CNNM1: variants seen among roughly 807,000 people sequenced by gnomAD.
CNNM1 encodes the protein cyclin and CBS domain divalent metal cation transport mediator 1, also known as metal transporter CNNM1.
A neutral mutation model predicts 78.8 loss-of-function variants in CNNM1; 44 were observed. The ratio of observed to expected loss-of-function variants is 0.56; its 90% CI spans 0.44 to 0.72. The LOEUF (loss-of-function observed/expected upper bound fraction) is 0.72. CNNM1 is among the 30% of genes least tolerant of loss of function. The pLI, the probability that CNNM1 is intolerant of heterozygous loss-of-function variation, is 0.00. For synonymous variants in CNNM1, 584 were observed against 581.5 expected (o/e 1.00, Z -0.06); for missense variants, 1,101 against 1,292.2 (o/e 0.85, Z 2.27).
intron 6 of CNNM1, among the ~76,000 whole-genome samples, chr10:99,367,560 T>C (rs952247302): frequency 6.6e-6 from 1 of 152,198 alleles, no homozygotes; most frequent in Admixed American, 6.5e-5. Flanking sequence ...TATACATTTA[T>C]ACATTTAGAA....
chr10:99,343,042 T>A (rs2030524755), intron 1 of CNNM1, among the ~76,000 whole-genome samples: 2 of 152,060 alleles, frequency 1.3e-5, no homozygotes, highest in Non-Finnish European at 2.9e-5. Context: ...CTCGGCTCAC[T>A]GCAACCTCCA....
intron 1 of CNNM1, among the ~76,000 whole-genome samples, chr10:99,339,415 T>G (rs2030336697): frequency 6.6e-6 from 1 of 152,194 alleles, no homozygotes; most frequent in Non-Finnish European, 1.5e-5. Context: ...ACCCCCAGAC[T>G]GCAGAATGGT....
In CNNM1 at chr10:99,388,191, T is replaced by C. The variant is rs1017204153; in HGVS notation, c.2564T>C (p.Val855Ala). Residue 855 changes from valine to alanine, a missense_variant, in exon 9 of 11, where the codon GTG becomes GCG. Val to Ala is a moderately conservative substitution (Grantham distance 64). Transcript: ENST00000356713. Reference sequence around the variant, plus strand: ...GGGCTGAGAAGCCCCAGCGAGGTAGTGTACCTGAGGATGGAGGAGCTGGCC... The same window carrying C: ...GGGCTGAGAAGCCCCAGCGAGGTAGCGTACCTGAGGATGGAGGAGCTGGCC... ...SDGLRSPSEV[V>A]YLRMEELAFT... 5.0e-6 allele frequency: 8 copies of C among 1,613,818 alleles called. No homozygotes were observed. Among genetic ancestry groups the C allele is most frequent in the Admixed American group, 3.3e-5 (2 of 60,010 alleles).
At chr10:99,337,939 T>A (rs2030262173) in intron 1 of CNNM1, among the ~76,000 whole-genome samples, 1 of 152,230 alleles carries the variant, frequency 6.6e-6, no homozygotes, top group Non-Finnish European at 1.5e-5. Flanking sequence ...AAGTGTTGCA[T>A]CTATTGTTTC....
intron 1 of CNNM1, among the ~76,000 whole-genome samples, chr10:99,341,074 G>T (rs1357296698): frequency 6.6e-6 from 1 of 152,070 alleles, no homozygotes; most frequent in Non-Finnish European, 1.5e-5. Flanking sequence ...AAAAGTATAG[G>T]GAGCTCTGAA....
intron 6 of CNNM1, among the ~76,000 whole-genome samples, chr10:99,376,436 C>G (rs1292872547): frequency 6.6e-6 from 1 of 152,214 alleles, no homozygotes; most frequent in Non-Finnish European, 1.5e-5. Flanking sequence ...TGTGGGCTTC[C>G]GTTTGTCTCA....
Position 99,357,709 on chromosome 10 carries a change from T to G in CNNM1, c.1717+54T>G, listed in dbSNP as rs187247927. The G allele has an allele frequency of 2.1e-5, 32 of 1,488,608 alleles. No homozygotes were observed. In the African/African-American group the frequency reaches 4.2e-4, roughly 19 times the overall value. 92.2% of individuals were successfully genotyped at this position (1,488,608 alleles called of 1,614,324 possible). A position where few individuals can be genotyped will look rare whatever the true frequency, so the allele number is the denominator to read the frequency against. On this transcript the variant is annotated intron_variant, in intron 2 of 10. Transcript: ENST00000356713. Reference sequence around the variant, plus strand: ...GGGTCATCTTATTTTCCTCCAAGACTCTCAGGTAAAGCCTCATTTGATTTA... The same window carrying G: ...GGGTCATCTTATTTTCCTCCAAGACGCTCAGGTAAAGCCTCATTTGATTTA...
At chr10:99,363,350 C>G (rs2031501209) in intron 4 of CNNM1, among the ~76,000 whole-genome samples, 2 of 152,142 alleles carry the variant, frequency 1.3e-5, no homozygotes, top group African/African-American at 4.8e-5. Flanking sequence ...CAACAAGAAT[C>G]CTGTTACATT....
chr10:99,335,203 T>C (rs763331189), intron 1 of CNNM1, among the ~76,000 whole-genome samples: 8 of 152,200 alleles, frequency 5.3e-5, no homozygotes, highest in Non-Finnish European at 1.0e-4. Context: ...TGATAAAACA[T>C]TTCTATATAC....
chr10:99,330,272 G>C lies in CNNM1; in HGVS notation c.885G>C (p.Ala295=), dbSNP rs1003107195. The C allele has an allele frequency of 1.3e-6, 2 of 1,563,824 alleles. No homozygotes were observed. Among genetic ancestry groups the C allele is most frequent in the East Asian group, 2.3e-5 (1 of 42,886 alleles). Residue 295 remains alanine, a synonymous_variant, in exon 1 of 11, where the codon GCG becomes GCC. Transcript: ENST00000356713. ...TCCTGGGCCAAGCCGGAGCCAACGCGGCCCTGGCTGGCTGGCTGTACACCT... is the reference window on the plus strand; with the variant it reads ...TCCTGGGCCAAGCCGGAGCCAACGCCGCCCTGGCTGGCTGGCTGTACACCT... ...TLLLGQAGAN[A]ALAGWLYTSL...
At chr10:99,364,823 C>G in intron 5 of CNNM1, 132 bp from the exon 6 acceptor site, 1 of 825,008 alleles carries the variant, frequency 1.2e-6, no homozygotes, top group Non-Finnish European at 1.9e-6. Context: ...TACTTGTTCC[C>G]TACCCTTCCA....
At chr10:99,380,684 G>A (rs553469981) in intron 7 of CNNM1, among the ~76,000 whole-genome samples, 6 of 151,944 alleles carry the variant, frequency 3.9e-5, no homozygotes, top group South Asian at 2.1e-4. Flanking sequence ...CCAGCTACTC[G>A]GGAGGCTGAG....
intron 6 of CNNM1, among the ~76,000 whole-genome samples, chr10:99,375,884 A>G (rs1460769879): frequency 6.6e-6 from 1 of 152,132 alleles, no homozygotes; most frequent in Non-Finnish European, 1.5e-5. Flanking sequence ...GGGTGGTTCC[A>G]CGGTTGAGAT....
intron 1 of CNNM1, among the ~76,000 whole-genome samples, chr10:99,331,616 C>T (rs1401536753): frequency 1.3e-5 from 2 of 152,196 alleles, no homozygotes; most frequent in Non-Finnish European, 2.9e-5. Context: ...CTTCTAATCC[C>T]AGCACTTTGG....
intron 1 of CNNM1, among the ~76,000 whole-genome samples, chr10:99,335,169 A>G (rs2030114705): frequency 6.6e-6 from 1 of 152,252 alleles, no homozygotes; most frequent in African/African-American, 2.4e-5. Context: ...TAATTACAGT[A>G]ATTGCTAACA....
intron 9 of CNNM1, 76 bp from the exon 10 acceptor site, chr10:99,390,230 T>G: frequency 9.6e-7 from 1 of 1,039,942 alleles, no homozygotes; most frequent in East Asian, 2.6e-5. Flanking sequence ...AGGGATGTCA[T>G]CACTCAGAAT....
intron 2 of CNNM1, among the ~76,000 whole-genome samples, chr10:99,359,373 G>T (rs543107207): frequency 6.6e-6 from 1 of 152,278 alleles, no homozygotes; most frequent in African/African-American, 2.4e-5. Flanking sequence ...TACAGGAGCA[G>T]GTTAGGGTCT....
In CNNM1 at chr10:99,329,929, G is replaced by A. The variant is rs1363308652; in HGVS notation, c.542G>A (p.Gly181Glu). Residue 181 changes from glycine to glutamate, a missense_variant, in exon 1 of 11, where the codon GGG becomes GAG. By Grantham distance (98) the Gly-to-Glu change is moderately conservative. This residue lies in a region of CNNM1 where 476 missense variants were observed against 484.5 expected (regional missense o/e 0.98). Coordinates refer to ENST00000356713, the MANE Select transcript of CNNM1 (RefSeq NM_020348.3). ...EAERGGAGGGGKLFSLCAWDG... is the reference protein window; with the variant it reads ...EAERGGAGGGEKLFSLCAWDG... ...GAGCGGGGCGGCGCGGGCGGTGGCG[G>A]GAAGCTCTTTTCACTCTGCGCCTGG... 3.6e-6 allele frequency: 5 copies of A among 1,383,356 alleles called. No homozygotes were observed. The East Asian group carries it at 1.2e-4, about 33-fold the overall frequency. 85.7% of individuals were successfully genotyped at this position (1,383,356 alleles called of 1,614,324 possible). A position where few individuals can be genotyped will look rare whatever the true frequency, so the allele number is the denominator to read the frequency against.
At chr10:99,346,793 G>C (rs2030713953) in intron 1 of CNNM1, among the ~76,000 whole-genome samples, 1 of 152,032 alleles carries the variant, frequency 6.6e-6, no homozygotes, top group Admixed American at 6.6e-5. Context: ...ATTTTTTATA[G>C]AAATGGGCTT....
Sources: allele counts gnomAD v4.1 joint callset (sites outside exome capture counted in the v4.1 genomes callset), GRCh38; gene constraint gnomAD v4.1.1; regional missense constraint gnomAD v4.1.1; transcripts MANE v1.5; gene names NCBI Gene and HGNC (gene_info 2026-07-23, HGNC 2026-07-21).